Variants in CTNND2 observed in about 807,000 individuals in gnomAD.
CTNND2 encodes catenin delta-2.
CTNND2 carries 22 observed loss-of-function variants against 144.4 expected under a neutral mutation model. The observed-to-expected ratio is 0.15, with a 90% CI of 0.11 to 0.22. The LOEUF (loss-of-function observed/expected upper bound fraction) is 0.22. Among genes scored for constraint, CTNND2 ranks in the 10% least tolerant of loss-of-function variants. The pLI, the probability that CTNND2 is intolerant of heterozygous loss-of-function variation, is 1.00. For missense variants in CTNND2, 1,353 were observed against 1,618.8 expected (o/e 0.84, Z 2.82); for synonymous variants, 751 against 695.6 (o/e 1.08, Z -1.25).
chr5:11,262,623 G>A (rs986636616), intron 9 of CTNND2, among the ~76,000 whole-genome samples: 40 of 151,466 alleles, frequency 2.6e-4, no homozygotes, highest in Non-Finnish European at 3.2e-4. Flanking sequence ...TTAGCTGGGC[G>A]TGGTGGCGGG....
At chr5:11,561,514 A>C (rs1253630297) in intron 3 of CTNND2, among the ~76,000 whole-genome samples, 1 of 152,204 alleles carries the variant, frequency 6.6e-6, no homozygotes, top group Non-Finnish European at 1.5e-5. Context: ...GATGTTTAGG[A>C]AAGTCTGTGA....
At chr5:11,053,849 G>A (rs992823589) in intron 16 of CTNND2, among the ~76,000 whole-genome samples, 3 of 152,204 alleles carry the variant, frequency 2.0e-5, no homozygotes, top group Non-Finnish European at 4.4e-5. Flanking sequence ...TGGCGACACT[G>A]CTTCATTGTT....
At chr5:11,562,965 C>T (rs1365010103) in intron 3 of CTNND2, among the ~76,000 whole-genome samples, 1 of 152,176 alleles carries the variant, frequency 6.6e-6, no homozygotes, top group Non-Finnish European at 1.5e-5. Context: ...TTGGGAGGCT[C>T]ACTGTTACCA....
chr5:11,567,531 AT>A (rs58306931), intron 2 of CTNND2, among the ~76,000 whole-genome samples: 23 of 149,746 alleles, frequency 1.5e-4, no homozygotes, highest in Middle Eastern at 3.5e-3. Context: ...TTGCAATTCA[AT>A]TTTTTTTTTC....
intron 2 of CTNND2, among the ~76,000 whole-genome samples, chr5:11,607,133 A>C (rs780320355): frequency 6.6e-6 from 1 of 152,192 alleles, no homozygotes; most frequent in Non-Finnish European, 1.5e-5. Flanking sequence ...AGCAGGAGCT[A>C]GGGGAGTGAC....
intron 1 of CTNND2, among the ~76,000 whole-genome samples, chr5:11,859,266 T>C (rs890486153): frequency 2.0e-5 from 3 of 152,230 alleles, no homozygotes; most frequent in African/African-American, 7.2e-5. Context: ...CATTATGTGT[T>C]ATGCTTAACA....
intron 1 of CTNND2, among the ~76,000 whole-genome samples, chr5:11,808,498 C>T (rs1402322538): frequency 6.6e-6 from 1 of 152,220 alleles, no homozygotes; most frequent in Non-Finnish European, 1.5e-5. Context: ...TTTTCTGCAG[C>T]TCTTGGTCTG....
At chr5:11,602,311 A>G (rs1779833300) in intron 2 of CTNND2, among the ~76,000 whole-genome samples, 2 of 152,152 alleles carry the variant, frequency 1.3e-5, no homozygotes, top group African/African-American at 2.4e-5. Flanking sequence ...CAAGAACTCA[A>G]TGATTTTTGT....
At chr5:11,775,067 G>A (rs994556200) in intron 1 of CTNND2, among the ~76,000 whole-genome samples, 3 of 152,026 alleles carry the variant, frequency 2.0e-5, no homozygotes, top group African/African-American at 2.4e-5. Context: ...GGGGCGGTGC[G>A]GGCAAGAAGA....
chr5:11,536,764 T>C lies in CTNND2; in HGVS notation c.287+28180A>G, dbSNP rs567106001. ...GGGGTGAGGGATAAAAGACTATACA[T>C]TGGGTACAGTGCGCACTGTTCGGGT... On this transcript the variant is annotated intron_variant, in intron 3 of 21. Transcript: ENST00000304623. 3.4e-4 allele frequency among the ~76,000 whole-genome samples: 52 copies of C among 152,012 alleles called. No individual in the cohort carries two copies. The South Asian group carries it at 0.01, about 30-fold the overall frequency.
chr5:11,370,710 G>C (rs1757396891), intron 7 of CTNND2, among the ~76,000 whole-genome samples: 2 of 152,056 alleles, frequency 1.3e-5, no homozygotes, highest in South Asian at 4.2e-4. Flanking sequence ...TATCAATATA[G>C]TTTATAAGGA....
At chr5:11,796,512 T>C (rs941804324) in intron 1 of CTNND2, among the ~76,000 whole-genome samples, 11 of 152,358 alleles carry the variant, frequency 7.2e-5, no homozygotes, top group African/African-American at 2.4e-4. Context: ...AAGGGTATTT[T>C]GTCCCTTTGT....
chr5:11,549,254 G>A (rs1012576238), intron 3 of CTNND2, among the ~76,000 whole-genome samples: 15 of 152,064 alleles, frequency 9.9e-5, no homozygotes, highest in Non-Finnish European at 2.1e-4. Context: ...TTTTCTTATC[G>A]GGATCTATAT....
rs775937447 is a variant in CTNND2 at position 11,159,622 on chromosome 5, G to T, written c.2113C>A (p.Gln705Lys). The T allele has an allele frequency of 6.2e-7, 1 of 1,613,500 alleles. No homozygotes were observed. Among genetic ancestry groups the T allele is most frequent in the Non-Finnish European group, 8.5e-7 (1 of 1,179,804 alleles). ...NSPLQDDRKI[Q>K]LHSSQVLRNA... ...CGCAGCACCTGTGATGAATGCAGCT[G>T]TATTTTCCGATCATCCTGAAGAGGC... The change falls in exon 12 of 22, where the codon CAG (glutamine) becomes AAG (lysine). Residue 705 changes from glutamine to lysine, a missense_variant. Gln to Lys is a moderately conservative substitution (Grantham distance 53). Around this residue, in one of 4 missense-constraint regions of CTNND2, gnomAD observed 117 missense variants for 117.8 expected, o/e 0.99. Coordinates refer to ENST00000304623, the MANE Select transcript of CTNND2 (RefSeq NM_001332.4).
intron 1 of CTNND2, among the ~76,000 whole-genome samples, chr5:11,894,091 A>AT (rs34197443): frequency 0.23 from 35,212 of 151,994 alleles, 4,208 homozygotes; most frequent in Admixed American, 0.3. Context: ...ATTCTGTGCA[A>AT]TTTGTTCAAA....
chr5:11,897,431 G>A (rs376535700), intron 1 of CTNND2, among the ~76,000 whole-genome samples: 1 of 152,168 alleles, frequency 6.6e-6, no homozygotes, highest in East Asian at 1.9e-4. Context: ...CCTATTAATT[G>A]CAAAACATCA....
chr5:10,996,921 G>T (rs1739410979), intron 18 of CTNND2, among the ~76,000 whole-genome samples: 2 of 152,044 alleles, frequency 1.3e-5, no homozygotes, highest in Non-Finnish European at 2.9e-5. Context: ...TTAACCACAG[G>T]TTAAAGAGGG....
chr5:11,384,545 GCAA>G lies in CTNND2; in HGVS notation c.1177+117_1177+119del. 1 of 869,702 alleles carries G rather than the reference GCAA, an allele frequency of 1.1e-6. No individual in the cohort carries two copies. The highest frequency in any genetic ancestry group is 1.8e-5 in the South Asian group (1 of 56,614). The allele number at this position is 869,702 out of a possible 1,614,324, so 53.9% of individuals were successfully genotyped here. A position where few individuals can be genotyped will look rare whatever the true frequency, so the allele number is the denominator to read the frequency against. On this transcript the variant is annotated intron_variant, in intron 7 of 21. Coordinates refer to ENST00000304623, the MANE Select transcript of CTNND2 (RefSeq NM_001332.4). This position sits in a 1 kb window ranked among gnomAD's most constrained non-coding sequence, Gnocchi z 5.2. ...AAAGCCCTGGCGTTCTCTGTCTCCT[GCAA>G]CTACTACAACCTGGCAGACAGCGCG...
At chr5:11,558,458 C>T (rs1447381598) in intron 3 of CTNND2, among the ~76,000 whole-genome samples, 1 of 152,098 alleles carries the variant, frequency 6.6e-6, no homozygotes, top group Non-Finnish European at 1.5e-5. Flanking sequence ...CTTGACCTCT[C>T]CGACTCAAGT....
Sources: gnomAD v4.1 joint callset for allele counts (sites outside exome capture counted in the v4.1 genomes callset) on GRCh38, gnomAD v4.1.1 for gene constraint, gnomAD v4.1.1 regional missense constraint, Gnocchi (gnomAD v3.1) non-coding constraint, MANE v1.5 for transcripts, NCBI Gene and HGNC (gene_info 2026-07-23, HGNC 2026-07-21) for gene names.